PCDHA3: variants seen among roughly 807,000 people sequenced by gnomAD.
The protein encoded by PCDHA3 is protocadherin alpha-3.
A neutral mutation model predicts 62.2 loss-of-function variants in PCDHA3; 41 were observed. The observed-to-expected ratio is 0.66, with a 90% CI of 0.51 to 0.86. The LOEUF (loss-of-function observed/expected upper bound fraction) is 0.86. Among genes scored for constraint, PCDHA3 ranks in the 40% least tolerant of loss-of-function variants. The pLI, the probability that PCDHA3 is intolerant of heterozygous loss-of-function variation, is 0.00. For synonymous variants in PCDHA3, 640 were observed against 555.4 expected (o/e 1.15, Z -2.14); for missense variants, 1,304 against 1,241.2 (o/e 1.05, Z -0.76).
intron 3 of PCDHA3, among the ~76,000 whole-genome samples, chr5:140,988,057 C>G (rs557714672): frequency 2.0e-4 from 30 of 152,188 alleles, no homozygotes; most frequent in Non-Finnish European, 3.7e-4. Context: ...GCACTGTCAA[C>G]ATGAATTTTT....
intron 3 of PCDHA3, among the ~76,000 whole-genome samples, chr5:141,000,395 C>CTATA (rs1190667031): frequency 1.7e-4 from 9 of 53,980 alleles, no homozygotes; most frequent in Admixed American, 6.3e-4. Flanking sequence ...CTCTCTCTCT[C>CTATA]TATATATATA....
chr5:140,992,857 CTCT>C (rs2097531206), intron 3 of PCDHA3, among the ~76,000 whole-genome samples: 2 of 152,148 alleles, frequency 1.3e-5, no homozygotes, highest in Non-Finnish European at 2.9e-5. Context: ...ACCAGTTTCA[CTCT>C]AGCTCCCTCC....
intron 1 of PCDHA3, chr5:140,882,688 A>G: frequency 1.2e-6 from 2 of 1,614,196 alleles, no homozygotes; most frequent in Non-Finnish European, 8.5e-7. Flanking sequence ...AGAAACGAAT[A>G]ATCATTGCAG....
At chr5:140,808,728 G>A (rs559957887) in intron 1 of PCDHA3, 1 of 1,612,192 alleles carries the variant, frequency 6.2e-7, no homozygotes, top group East Asian at 2.2e-5. Context: ...CATGCGGAGA[G>A]CGGCAAGGTG....
chr5:140,978,802 T>C, intron 1 of PCDHA3, 147 bp from the exon 2 acceptor site: 1 of 1,483,264 alleles, frequency 6.7e-7, no homozygotes, highest in Non-Finnish European at 9.0e-7. Flanking sequence ...TATGTAGATA[T>C]CATCATAGAG....
In PCDHA3 at chr5:140,823,976, G is replaced by T. The variant is rs1247134130; in HGVS notation, c.2394+20385G>T. On this transcript the variant is annotated intron_variant, in intron 1 of 3. Coordinates refer to ENST00000522353, the MANE Select transcript of PCDHA3 (RefSeq NM_018906.3). Reference sequence around the variant, plus strand: ...CCCACCGAGGCCGTGTGCACACGGGGCAAGCCCACTCTGTTGTGCTCCAGC... The same window carrying T: ...CCCACCGAGGCCGTGTGCACACGGGTCAAGCCCACTCTGTTGTGCTCCAGC... 4 of 1,613,918 alleles carry T rather than the reference G, an allele frequency of 2.5e-6. No individual in the cohort carries two copies. In the African/African-American group the frequency reaches 5.3e-5, roughly 22 times the overall value.
chr5:140,857,017 T>C (rs1432761936), intron 1 of PCDHA3: 1 of 1,596,216 alleles, frequency 6.3e-7, no homozygotes, highest in African/African-American at 1.3e-5. Flanking sequence ...ATGTTACAGA[T>C]AAGGGAAACC....
Position 140,840,931 on chromosome 5 carries a change from G to A in PCDHA3, c.2394+37340G>A, listed in dbSNP as rs2150310219. Among the ~76,000 whole-genome samples the A allele has an allele frequency of 2.6e-5, 4 of 152,056 alleles. No homozygotes were observed. In the South Asian group the frequency reaches 8.3e-4, roughly 32 times the overall value. ...ACTTAAATTTATTATTAATTGATACGATATTTGAAATATTGGGAAGAAATT... is the reference window on the plus strand; with the variant it reads ...ACTTAAATTTATTATTAATTGATACAATATTTGAAATATTGGGAAGAAATT... On this transcript the variant is annotated intron_variant, in intron 1 of 3. Transcript: ENST00000522353.
chr5:140,965,928 C>T (rs2095948805), intron 1 of PCDHA3, among the ~76,000 whole-genome samples: 1 of 152,198 alleles, frequency 6.6e-6, no homozygotes, highest in South Asian at 2.1e-4. Flanking sequence ...GGCTTGCTCC[C>T]GGAAAGAGGG....
intron 1 of PCDHA3, among the ~76,000 whole-genome samples, chr5:140,838,076 T>C (rs13170073): frequency 3.2e-5 from 1 of 31,122 alleles, no homozygotes; most frequent in African/African-American, 2.4e-4. Flanking sequence ...TATATATATA[T>C]AGTGTGTGTG....
At chr5:140,999,977 C>T (rs1554257051) in intron 3 of PCDHA3, among the ~76,000 whole-genome samples, 1 of 152,068 alleles carries the variant, frequency 6.6e-6, no homozygotes, top group Non-Finnish European at 1.5e-5. Flanking sequence ...GCAGCTCTAG[C>T]GGCCTCTGGG....
chr5:141,008,241 C>G (rs1474460463), intron 3 of PCDHA3, among the ~76,000 whole-genome samples: 2 of 152,118 alleles, frequency 1.3e-5, no homozygotes, highest in African/African-American at 2.4e-5. Flanking sequence ...TGCTCAGGGA[C>G]ACCAAATTAG....
intron 1 of PCDHA3, among the ~76,000 whole-genome samples, chr5:140,919,029 A>C (rs1474107507): frequency 6.6e-6 from 1 of 152,126 alleles, no homozygotes; most frequent in Non-Finnish European, 1.5e-5. Flanking sequence ...TCTTCTGCCT[A>C]GTTGTTGTCC....
chr5:140,855,025 A>G (rs2043311699), intron 1 of PCDHA3, among the ~76,000 whole-genome samples: 1 of 149,914 alleles, frequency 6.7e-6, no homozygotes. Context: ...AACTTCTTGT[A>G]TAAAGGATTT....
chr5:140,815,943 A>G (rs2126668159), intron 1 of PCDHA3: 1 of 152,186 alleles, frequency 6.6e-6, no homozygotes, highest in African/African-American at 2.4e-5. Flanking sequence ...TGAGAAATCT[A>G]CTGGTAGAGT....
At chr5:140,931,460 G>GA (rs3836748) in intron 1 of PCDHA3, among the ~76,000 whole-genome samples, 48,962 of 151,596 alleles carry the variant, frequency 0.32, 8,170 homozygotes, top group East Asian at 0.53. Flanking sequence ...AAAAATATAG[G>GA]AATGACAGAG....
chr5:140,970,405 C>T (rs1361647284), intron 1 of PCDHA3, among the ~76,000 whole-genome samples: 1 of 152,120 alleles, frequency 6.6e-6, no homozygotes, highest in Non-Finnish European at 1.5e-5. Flanking sequence ...GATGGCTTAC[C>T]CTACAGTAAG....
chr5:140,883,238 G>C (rs782322627), intron 1 of PCDHA3: 1 of 1,613,886 alleles, frequency 6.2e-7, no homozygotes, highest in African/African-American at 1.3e-5. Context: ...GGAGGCAGTT[G>C]ACAAAGGAAA....
chr5:141,006,436 A>G (rs2153987648), intron 3 of PCDHA3, among the ~76,000 whole-genome samples: 1 of 152,098 alleles, frequency 6.6e-6, no homozygotes, highest in African/African-American at 2.4e-5. Context: ...GATGGTCTCA[A>G]TCTCCTGACC....
Sources: allele counts gnomAD v4.1 joint callset (sites outside exome capture counted in the v4.1 genomes callset), GRCh38; gene constraint gnomAD v4.1.1; transcripts MANE v1.5; gene names NCBI Gene and HGNC (gene_info 2026-07-23, HGNC 2026-07-21).